Variants in ASIC2 observed in about 807,000 individuals in gnomAD.
The protein encoded by ASIC2 is acid-sensing ion channel 2.
In ASIC2, 25 loss-of-function variants were observed where a neutral mutation model predicts 57.3. The observed-to-expected ratio is 0.44, with a 90% CI of 0.32 to 0.61. ASIC2 has a LOEUF of 0.61. ASIC2 is among the 20% of genes least tolerant of loss of function. The probability of loss-of-function intolerance (pLI) is 0.06; values close to 1 mark genes in which losing one functional copy is unlikely to be tolerated. For missense variants in ASIC2, 641 were observed against 738.1 expected (o/e 0.87, Z 1.52); for synonymous variants, 319 against 307.5 (o/e 1.04, Z -0.39).
At chr17:33,750,400 G>A (rs1191965951) in intron 1 of ASIC2, among the ~76,000 whole-genome samples, 1 of 152,204 alleles carries the variant, frequency 6.6e-6, no homozygotes, top group Non-Finnish European at 1.5e-5. Context: ...ATGAGCTCAT[G>A]TGCACGATAT....
At chr17:33,209,372 A>C (rs962015384) in intron 1 of ASIC2, among the ~76,000 whole-genome samples, 1 of 152,152 alleles carries the variant, frequency 6.6e-6, no homozygotes, top group Non-Finnish European at 1.5e-5. Flanking sequence ...GGAAAAAAAA[A>C]CCCATGTTGC....
Position 33,778,719 on chromosome 17 carries a change from C to T in ASIC2, c.555+377259G>A, listed in dbSNP as rs372156810. Among the ~76,000 whole-genome samples the T allele has an allele frequency of 1.6e-4, 25 of 152,260 alleles. No individual in the cohort carries two copies. In the South Asian group the frequency reaches 3.9e-3, roughly 24 times the overall value. ...GTGACTCAACCTCTCTGAGCCTCGA[C>T]GTCCTCTCCAAGATAAGATGGGAAA... On this transcript the variant is annotated intron_variant, in intron 1 of 9. Transcript: ENST00000359872.
At chr17:33,021,933 C>T (rs1051918828) in intron 6 of ASIC2, among the ~76,000 whole-genome samples, 11 of 152,162 alleles carry the variant, frequency 7.2e-5, no homozygotes, top group Non-Finnish European at 7.3e-5. Context: ...CAGTAAAAGT[C>T]GTTACTGCCT....
intron 1 of ASIC2, among the ~76,000 whole-genome samples, chr17:33,571,146 T>G (rs1031364713): frequency 6.6e-6 from 1 of 152,144 alleles, no homozygotes; most frequent in Non-Finnish European, 1.5e-5. Context: ...AGTTCTCCAC[T>G]TTAGAGATGA....
intron 1 of ASIC2, among the ~76,000 whole-genome samples, chr17:33,600,119 C>T (rs532583879): frequency 1.3e-5 from 2 of 152,292 alleles, no homozygotes; most frequent in South Asian, 2.1e-4. Context: ...CACAGGAATC[C>T]TTTTCATGGG....
At chr17:34,144,344 G>C (rs1912357740) in intron 1 of ASIC2, among the ~76,000 whole-genome samples, 1 of 152,150 alleles carries the variant, frequency 6.6e-6, no homozygotes, top group Admixed American at 6.5e-5. Context: ...GTCTATAGTA[G>C]CTTAGGCTCA....
In ASIC2 at chr17:33,980,511, T is replaced by C. The variant is rs529696988; in HGVS notation, c.555+175467A>G. ...GGAGATGGGATGGCAGGGGAAAGGATGAGAATCTTGGGAATGGGAAGAAGT... is the reference window on the plus strand; with the variant it reads ...GGAGATGGGATGGCAGGGGAAAGGACGAGAATCTTGGGAATGGGAAGAAGT... On this transcript the variant is annotated intron_variant, in intron 1 of 9. Transcript: ENST00000359872. 3.9e-5 allele frequency among the ~76,000 whole-genome samples: 6 copies of C among 152,288 alleles called. No individual in the cohort carries two copies. The South Asian group carries it at 1.2e-3, about 32-fold the overall frequency.
chr17:33,269,364 C>T (rs997355870), intron 1 of ASIC2, among the ~76,000 whole-genome samples: 19 of 152,174 alleles, frequency 1.2e-4, no homozygotes, highest in African/African-American at 4.6e-4. Context: ...CTACTCTTAA[C>T]AGAAATGATG....
chr17:33,341,725 C>T (rs1907727992), intron 1 of ASIC2, among the ~76,000 whole-genome samples: 1 of 152,166 alleles, frequency 6.6e-6, no homozygotes, highest in African/African-American at 2.4e-5. Context: ...TTTGGGCAAG[C>T]ATATTTTGGA....
intron 1 of ASIC2, among the ~76,000 whole-genome samples, chr17:33,921,144 G>A (rs1314751155): frequency 6.6e-6 from 1 of 152,170 alleles, no homozygotes; most frequent in Non-Finnish European, 1.5e-5. Context: ...ACAGAGGGTT[G>A]AGGAGTATAA....
intron 1 of ASIC2, among the ~76,000 whole-genome samples, chr17:33,399,513 C>A (rs1910203937): frequency 6.6e-6 from 1 of 152,120 alleles, no homozygotes; most frequent in South Asian, 2.1e-4. Context: ...GTGTTGGGAA[C>A]AACAACAAAA....
intron 1 of ASIC2, chr17:34,155,630 G>C: frequency 3.6e-6 from 1 of 278,346 alleles, no homozygotes; most frequent in South Asian, 5.6e-5. Context: ...ATGACAAGCT[G>C]TTCCAATCAC....
chr17:33,168,799 G>A (rs1176893928), intron 1 of ASIC2, among the ~76,000 whole-genome samples: 1 of 152,118 alleles, frequency 6.6e-6, no homozygotes, highest in Non-Finnish European at 1.5e-5. Flanking sequence ...TAAAAGGAAA[G>A]CAAAGTGAAA....
intron 1 of ASIC2, among the ~76,000 whole-genome samples, chr17:33,461,297 G>T (rs1283626257): frequency 6.6e-6 from 1 of 152,224 alleles, no homozygotes; most frequent in Non-Finnish European, 1.5e-5. Context: ...GTCTTGCCCA[G>T]GTCCTGGGGG....
At chr17:33,091,877 A>G (rs565096739) in intron 2 of ASIC2, among the ~76,000 whole-genome samples, 1 of 152,338 alleles carries the variant, frequency 6.6e-6, no homozygotes, top group African/African-American at 2.4e-5. Flanking sequence ...GGTGCCAGTT[A>G]TGAAAGGTGG....
At chr17:33,342,233 G>C (rs1206921924) in intron 1 of ASIC2, among the ~76,000 whole-genome samples, 1 of 152,118 alleles carries the variant, frequency 6.6e-6, no homozygotes, top group Non-Finnish European at 1.5e-5. Flanking sequence ...TTAGCAAAGG[G>C]GAAGCAGCCA....
intron 1 of ASIC2, among the ~76,000 whole-genome samples, chr17:33,516,346 ATG>A (rs33997140): frequency 0.025 from 3,723 of 149,722 alleles, 99 homozygotes; most frequent in African/African-American, 0.066. Flanking sequence ...GTGTGTTTGT[ATG>A]TGTGTGTGTG....
intron 1 of ASIC2, among the ~76,000 whole-genome samples, chr17:33,393,327 C>T (rs1909966718): frequency 6.6e-6 from 1 of 152,040 alleles, no homozygotes; most frequent in Non-Finnish European, 1.5e-5. Context: ...CTTTAATGCT[C>T]CTCTGAGTTC....
chr17:33,863,527 C>T (rs1914148877), intron 1 of ASIC2, among the ~76,000 whole-genome samples: 1 of 152,224 alleles, frequency 6.6e-6, no homozygotes, highest in African/African-American at 2.4e-5. Flanking sequence ...TGTCTCCCAC[C>T]TCAGTGGAAA....
Sources: allele counts gnomAD v4.1 joint callset (sites outside exome capture counted in the v4.1 genomes callset), GRCh38; gene constraint gnomAD v4.1.1; transcripts MANE v1.5; gene names NCBI Gene and HGNC (gene_info 2026-07-23, HGNC 2026-07-21).